ITPR1: variants seen among roughly 807,000 people sequenced by gnomAD.
ITPR1 encodes inositol 1,4,5-trisphosphate receptor type 1.
In ITPR1, 96 loss-of-function variants were observed where a neutral mutation model predicts 318.4. The ratio of observed to expected loss-of-function variants is 0.30; its 90% CI spans 0.26 to 0.36. The LOEUF (loss-of-function observed/expected upper bound fraction) is 0.36, where lower values mean the gene tolerates loss of function less well. Among genes scored for constraint, ITPR1 ranks in the 10% least tolerant of loss-of-function variants. The pLI is 1.00. For missense variants in ITPR1, 2,440 were observed against 3,460.2 expected (o/e 0.71, Z 7.40); for synonymous variants, 1,312 against 1,289.9 (o/e 1.02, Z -0.37).
chr3:4,817,231 C>T (rs2106499538), intron 59 of ITPR1, among the ~76,000 whole-genome samples: 1 of 152,194 alleles, frequency 6.6e-6, no homozygotes, highest in East Asian at 1.9e-4. Context: ...GTTCTTTTTA[C>T]TGGAGAAAGG....
chr3:4,493,420 A>T lies in ITPR1; in HGVS notation c.-278A>T, dbSNP rs938967840. On this transcript the variant is annotated 5_prime_UTR_variant, in exon 1 of 62. Coordinates refer to ENST00000649015, the MANE Select transcript of ITPR1 (RefSeq NM_001378452.1). ...GGGGTGGGAGGAGAGGAGGAGGAGG[A>T]GGTGGTGGTGGAGGAGGAGGCAGGG... is the stretch of plus-strand genomic sequence containing the variant. 1 of 153,744 alleles carries T rather than the reference A, an allele frequency of 6.5e-6. No individual in the cohort carries two copies. Among genetic ancestry groups the T allele is most frequent in the Non-Finnish European group, 1.5e-5 (1 of 68,506 alleles). 9.5% of individuals were successfully genotyped at this position (153,744 alleles called of 1,614,324 possible). A position where few individuals can be genotyped will look rare whatever the true frequency, so the allele number is the denominator to read the frequency against.
rs2041391495 is a variant in ITPR1 at position 4,711,799 on chromosome 3, G to C, written c.5034G>C (p.Glu1678Asp). The change falls in exon 39 of 62, where the codon GAG (glutamate) becomes GAC (aspartate). Residue 1678 changes from glutamate to aspartate, a missense_variant. Around this residue, in one of 23 missense-constraint regions of ITPR1, gnomAD observed 166 missense variants for 246.5 expected, o/e 0.67. Transcript: ENST00000649015. The stretch of plus-strand genomic sequence containing the variant: ...AACAGCTGCTAGAAGAAAATGAAGA[G>C]AAGCTCTGCATTAAGGTCCTACAGA... The part of the protein sequence containing the change: ...HTKQLLEENE[E>D]KLCIKVLQTL... 1 of 1,553,666 alleles carries C rather than the reference G, an allele frequency of 6.4e-7. No homozygotes were observed. The highest frequency in any genetic ancestry group is 8.7e-7 in the Non-Finnish European group (1 of 1,147,680).
At chr3:4,761,293 G>C (rs528723221) in intron 44 of ITPR1, among the ~76,000 whole-genome samples, 4 of 152,226 alleles carry the variant, frequency 2.6e-5, no homozygotes, top group Non-Finnish European at 5.9e-5. Context: ...CCCACTGTCT[G>C]TTGTTCCCCT....
chr3:4,698,938 G>A (rs1029636806), intron 34 of ITPR1, among the ~76,000 whole-genome samples: 2 of 152,178 alleles, frequency 1.3e-5, no homozygotes, highest in Non-Finnish European at 2.9e-5. Context: ...GGGTGAAATC[G>A]TAGGTGTCTC....
At chr3:4,624,895 T>A (rs768769214) in intron 4 of ITPR1, among the ~76,000 whole-genome samples, 46 of 152,146 alleles carry the variant, frequency 3.0e-4, no homozygotes, top group Non-Finnish European at 5.7e-4. Flanking sequence ...AATATTAAGC[T>A]GGTAGGAAAA....
chr3:4,697,882 T>C (rs2094585102), intron 34 of ITPR1, among the ~76,000 whole-genome samples: 1 of 152,200 alleles, frequency 6.6e-6, no homozygotes, highest in South Asian at 2.1e-4. Context: ...CATATTAAAA[T>C]TCAATTTATA....
chr3:4,546,901 AG>A (rs2085071362), intron 4 of ITPR1, among the ~76,000 whole-genome samples: 2 of 95,522 alleles, frequency 2.1e-5, no homozygotes, highest in South Asian at 6.5e-4. Context: ...GGGCCACTGA[AG>A]GCTTAACTTT....
intron 16 of ITPR1, among the ~76,000 whole-genome samples, chr3:4,664,079 T>A (rs2125194945): frequency 6.6e-6 from 1 of 152,316 alleles, no homozygotes; most frequent in East Asian, 1.9e-4. Flanking sequence ...ACAACTTTAT[T>A]TTCCTCAAAA....
chr3:4,504,329 G>A (rs937609367), intron 2 of ITPR1, among the ~76,000 whole-genome samples: 5 of 152,162 alleles, frequency 3.3e-5, no homozygotes, highest in Admixed American at 3.3e-4. Context: ...AATGAGCAAC[G>A]TTGTATTATA....
intron 13 of ITPR1, among the ~76,000 whole-genome samples, chr3:4,660,094 G>C (rs1021428685): frequency 1.4e-4 from 22 of 152,156 alleles, no homozygotes; most frequent in Admixed American, 4.6e-4. Context: ...AGTTTTGCTT[G>C]ATTACGCTCT....
At chr3:4,503,748 A>G (rs1330661500) in intron 2 of ITPR1, among the ~76,000 whole-genome samples, 2 of 152,172 alleles carry the variant, frequency 1.3e-5, no homozygotes, top group Admixed American at 6.5e-5. Context: ...GAACCGGTTA[A>G]GAAACCCTGT....
intron 4 of ITPR1, among the ~76,000 whole-genome samples, chr3:4,611,685 G>C (rs180904470): frequency 2.0e-5 from 3 of 152,110 alleles, no homozygotes; most frequent in Non-Finnish European, 2.9e-5. Context: ...GGCCGCGGCT[G>C]CAGTGAGCTG....
chr3:4,539,676 T>G (rs1404810962), intron 4 of ITPR1, among the ~76,000 whole-genome samples: 1 of 152,168 alleles, frequency 6.6e-6, no homozygotes, highest in Non-Finnish European at 1.5e-5. Context: ...GGTGATTCAT[T>G]CATGGACTAA....
intron 54 of ITPR1, among the ~76,000 whole-genome samples, chr3:4,802,109 A>C (rs1311339287): frequency 6.6e-6 from 1 of 152,222 alleles, no homozygotes; most frequent in Non-Finnish European, 1.5e-5. Context: ...TTGAATCCGC[A>C]TGAAAAATGC....
At chr3:4,796,171 G>A (rs775810768) in intron 53 of ITPR1, among the ~76,000 whole-genome samples, 21 of 152,192 alleles carry the variant, frequency 1.4e-4, no homozygotes, top group Admixed American at 1.3e-4. Flanking sequence ...GCGATGTTAT[G>A]TAATGCTTAT....
chr3:4,743,829 G>A (rs1187215021), intron 44 of ITPR1, among the ~76,000 whole-genome samples: 5 of 152,086 alleles, frequency 3.3e-5, no homozygotes, highest in East Asian at 1.9e-4. Context: ...TTTCTTGTTC[G>A]TTTGTCTGTT....
intron 24 of ITPR1, among the ~76,000 whole-genome samples, chr3:4,678,669 A>G (rs2094234099): frequency 6.6e-6 from 1 of 152,084 alleles, no homozygotes; most frequent in Non-Finnish European, 1.5e-5. Flanking sequence ...GGGTCATGTG[A>G]CTCCACATGG....
intron 4 of ITPR1, among the ~76,000 whole-genome samples, chr3:4,566,438 C>G (rs2087258486): frequency 6.6e-6 from 1 of 152,102 alleles, no homozygotes; most frequent in Non-Finnish European, 1.5e-5. Context: ...GAATCAGCTC[C>G]TGGAACCTCA....
At chr3:4,497,369 A>C (rs2080672286) in intron 2 of ITPR1, among the ~76,000 whole-genome samples, 1 of 152,236 alleles carries the variant, frequency 6.6e-6, no homozygotes, top group African/African-American at 2.4e-5. Flanking sequence ...TTATTCAACA[A>C]ATTTCTTGAG....
Sources: allele counts gnomAD v4.1 joint callset (sites outside exome capture counted in the v4.1 genomes callset), GRCh38; gene constraint gnomAD v4.1.1; regional missense constraint gnomAD v4.1.1; transcripts MANE v1.5; gene names NCBI Gene and HGNC (gene_info 2026-07-23, HGNC 2026-07-21).